SIL1: variants seen among roughly 807,000 people sequenced by gnomAD.
SIL1 encodes the protein SIL1 nucleotide exchange factor.
In SIL1, 40 loss-of-function variants were observed where a neutral mutation model predicts 49.1. That is an observed-to-expected ratio of 0.81 (90% CI 0.63 to 1.06). The LOEUF (loss-of-function observed/expected upper bound fraction) is 1.06. SIL1 is among the 50% of genes least tolerant of loss of function. SIL1 has a pLI of 0.00. For missense variants in SIL1, 500 were observed against 572.6 expected, an observed-to-expected ratio of 0.87 and a Z score of 1.29; for synonymous variants, 253 against 250.8, an observed-to-expected ratio of 1.01 and a Z score of -0.08.
At chr5:139,087,210 C>G (rs980302217) in intron 3 of SIL1, among the ~76,000 whole-genome samples, 1 of 152,096 alleles carries the variant, frequency 6.6e-6, no homozygotes, top group Non-Finnish European at 1.5e-5. Flanking sequence ...AGCCCAGACC[C>G]CAGGATCCTA....
At chr5:139,116,845 G>A (rs982690826) in intron 3 of SIL1, among the ~76,000 whole-genome samples, 1 of 152,224 alleles carries the variant, frequency 6.6e-6, no homozygotes, top group Admixed American at 6.5e-5. Context: ...CAGGCCCTGT[G>A]TTGAACATTT....
intron 1 of SIL1, among the ~76,000 whole-genome samples, chr5:139,170,107 G>T (rs1751718256): frequency 6.6e-6 from 1 of 152,232 alleles, no homozygotes; most frequent in Non-Finnish European, 1.5e-5. Context: ...AACCGCGAGT[G>T]ATCCGCCAGC....
At chr5:139,137,624 C>T in intron 1 of SIL1, 1 of 281,758 alleles carries the variant, frequency 3.5e-6, no homozygotes, top group Non-Finnish European at 6.7e-6. Context: ...TGGTGTGCTG[C>T]ACCCATTAAC....
chr5:139,027,005 G>GC lies in SIL1; in HGVS notation c.454-14dup. 1 of 1,613,996 alleles carries GC rather than the reference G, an allele frequency of 6.2e-7. No individual in the cohort carries two copies. Reference sequence around the variant, plus strand: ...CAGCCTGCCTTGCCTAAGGAGAGCAGCAAAGAGGTGATTAAATTGGTTGGA... The same window carrying GC: ...CAGCCTGCCTTGCCTAAGGAGAGCAGCCAAAGAGGTGATTAAATTGGTTGGA... On this transcript the variant is annotated splice_polypyrimidine_tract_variant and intron_variant, in intron 5 of 9. Coordinates refer to ENST00000394817, the MANE Select transcript of SIL1 (RefSeq NM_022464.5).
At chr5:139,010,424 C>T (rs1561827094) in intron 7 of SIL1, among the ~76,000 whole-genome samples, 2 of 151,542 alleles carry the variant, frequency 1.3e-5, no homozygotes, top group Non-Finnish European at 3.0e-5. Flanking sequence ...TCCCATAGCT[C>T]AGAGTAATTT....
rs763199369 is a variant in SIL1 at position 138,947,322 on chromosome 5, C to A, written c.1181G>T (p.Arg394Leu). The A allele has an allele frequency of 6.2e-7, 1 of 1,613,610 alleles. No homozygotes were observed. Among genetic ancestry groups the A allele is most frequent in the Non-Finnish European group, 8.5e-7 (1 of 1,180,034 alleles). The change falls in exon 10 of 10, where the codon CGT becomes CTT. Residue 394 changes from arginine (R) to leucine (L), a missense_variant. By Grantham distance (102) the Arg-to-Leu change is moderately radical. Transcript: ENST00000394817. This position sits in a 1 kb window ranked among gnomAD's most constrained non-coding sequence, Gnocchi z 4.1. The stretch of plus-strand genomic sequence containing the variant: ...GCCCAGTGTCTGCAGCACCTTCTCA[C>A]GGGCATCATGCTCGGGCAGCGCCAG... Reference protein sequence around the residue: ...HLLALPEHDAREKVLQTLGVL... With the variant: ...HLLALPEHDALEKVLQTLGVL...
chr5:138,967,077 C>T lies in SIL1; in HGVS notation c.768-15193G>A, dbSNP rs77981477. Among the ~76,000 whole-genome samples the T allele has an allele frequency of 2.2e-3, 332 of 152,306 alleles. 1 individual carries two copies. The highest frequency in any genetic ancestry group is 7.4e-3 in the African/African-American group (307 of 41,552). On this transcript the variant is annotated intron_variant, in intron 7 of 9. Transcript: ENST00000394817. The stretch of plus-strand genomic sequence containing the variant: ...ATGATGCCCTGGCAACATCCTCCAT[C>T]GTTGTGTTTCTGAGAGCTGGACCCA...
chr5:139,178,160 C>T (rs1258389692), intron 1 of SIL1, among the ~76,000 whole-genome samples: 1 of 152,132 alleles, frequency 6.6e-6, no homozygotes, highest in Non-Finnish European at 1.5e-5. Flanking sequence ...GGCCAGGTGC[C>T]CCAACAACAC....
chr5:139,132,484 T>C (rs1248362180), intron 1 of SIL1, among the ~76,000 whole-genome samples: 2 of 152,128 alleles, frequency 1.3e-5, no homozygotes, highest in African/African-American at 4.8e-5. Context: ...ATTGCCTCTA[T>C]ATATTTTTCC....
intron 3 of SIL1, among the ~76,000 whole-genome samples, chr5:139,060,889 C>G (rs546843280): frequency 5.9e-5 from 9 of 151,996 alleles, no homozygotes; most frequent in Admixed American, 5.2e-4. Flanking sequence ...CCATGAAGCA[C>G]CAGGACAAGA....
chr5:139,193,015 A>AC (rs1752202918), intron 1 of SIL1, among the ~76,000 whole-genome samples: 1 of 147,696 alleles, frequency 6.8e-6, no homozygotes, highest in Non-Finnish European at 1.5e-5. Context: ...AAAAAAAAAA[A>AC]AAAAAAAAAA....
intron 3 of SIL1, among the ~76,000 whole-genome samples, chr5:139,065,572 G>A (rs920863540): frequency 9.2e-5 from 14 of 152,150 alleles, no homozygotes; most frequent in African/African-American, 3.4e-4. Flanking sequence ...CCCAAGCATG[G>A]GCAAGGAGGC....
intron 9 of SIL1, among the ~76,000 whole-genome samples, chr5:138,949,683 G>C (rs1236028564): frequency 6.6e-6 from 1 of 151,392 alleles, no homozygotes; most frequent in Non-Finnish European, 1.5e-5. Context: ...TGGTGGCATG[G>C]ACCTGTAGTC....
chr5:139,128,541 T>G (rs1463510156), intron 1 of SIL1, among the ~76,000 whole-genome samples: 2 of 151,378 alleles, frequency 1.3e-5, no homozygotes. Context: ...CCCAACTATG[T>G]GGAAGGCTGA....
intron 3 of SIL1, among the ~76,000 whole-genome samples, chr5:139,084,251 A>T: frequency 6.7e-6 from 1 of 150,240 alleles, no homozygotes. Flanking sequence ...CTAGAACTAG[A>T]AATACCATTT....
At chr5:139,026,557 C>T (rs1768654155) in intron 6 of SIL1, among the ~76,000 whole-genome samples, 2 of 152,118 alleles carry the variant, frequency 1.3e-5, no homozygotes, top group South Asian at 2.1e-4. Flanking sequence ...GAGCCGAGAT[C>T]GCGCCACTGC....
At chr5:139,147,337 G>A (rs6596465) in intron 1 of SIL1, among the ~76,000 whole-genome samples, 80,554 of 151,932 alleles carry the variant, frequency 0.53, 22,450 homozygotes, top group African/African-American at 0.7. Context: ...ACCCTCATCA[G>A]CAACACTCTA....
chr5:138,951,671 C>G, intron 8 of SIL1, 117 bp downstream of exon 8: 5 of 1,005,576 alleles, frequency 5.0e-6, no homozygotes, highest in Non-Finnish European at 7.8e-6. Context: ...CCTGTGCCAC[C>G]CAGCAGATGA....
At chr5:139,110,791 G>T (rs957914313) in intron 3 of SIL1, among the ~76,000 whole-genome samples, 39 of 152,242 alleles carry the variant, frequency 2.6e-4, no homozygotes, top group Non-Finnish European at 5.0e-4. Context: ...GTCTTCAGAA[G>T]AGGGAAGGTT....
Sources: allele counts gnomAD v4.1 joint callset (sites outside exome capture counted in the v4.1 genomes callset), GRCh38; gene constraint gnomAD v4.1.1; non-coding constraint Gnocchi (gnomAD v3.1); transcripts MANE v1.5; gene names NCBI Gene and HGNC (gene_info 2026-07-23, HGNC 2026-07-21).